The following CSMD1 variants were observed in gnomAD, a reference collection of about 807,000 sequenced individuals.
The protein encoded by CSMD1 is CUB and Sushi multiple domains 1, also known as CUB and sushi domain-containing protein 1.
In CSMD1, 213 loss-of-function variants were observed where a neutral mutation model predicts 417.5. That is an observed-to-expected ratio of 0.51 (90% CI 0.46 to 0.57). The LOEUF (loss-of-function observed/expected upper bound fraction) is 0.57. Among genes scored for constraint, CSMD1 ranks in the 20% least tolerant of loss-of-function variants. The pLI, the probability that CSMD1 is intolerant of heterozygous loss-of-function variation, is 0.00. For synonymous variants in CSMD1, 2,862 were observed against 1,736.8 expected, an observed-to-expected ratio of 1.65 and a Z score of -16.11; for missense variants, 6,923 against 4,529.7, an observed-to-expected ratio of 1.53 and a Z score of -15.17.
chr8:3,850,084 C>CAAA (rs1803793142), intron 5 of CSMD1, among the ~76,000 whole-genome samples: 1 of 152,224 alleles, frequency 6.6e-6, no homozygotes, highest in Non-Finnish European at 1.5e-5. Context: ...GCATGAGCCA[C>CAAA]TGCACCCAGC....
At chr8:3,355,540 G>T (rs1351331790) in intron 21 of CSMD1, among the ~76,000 whole-genome samples, 1 of 152,146 alleles carries the variant, frequency 6.6e-6, no homozygotes, top group Non-Finnish European at 1.5e-5. Context: ...GTGGGCCAAT[G>T]AGAGGAAACC....
chr8:4,909,528 G>C (rs1156373619), intron 1 of CSMD1, among the ~76,000 whole-genome samples: 3 of 152,124 alleles, frequency 2.0e-5, no homozygotes, highest in East Asian at 1.9e-4. Context: ...TGATGTAGAA[G>C]GATCTAGGAT....
At chr8:4,769,665 G>A (rs538525027) in intron 1 of CSMD1, among the ~76,000 whole-genome samples, 1 of 152,162 alleles carries the variant, frequency 6.6e-6, no homozygotes, top group African/African-American at 2.4e-5. Context: ...GGCTTGGAAA[G>A]GCTGACGGAT....
intron 55 of CSMD1, 102 bp downstream of exon 55, chr8:2,978,510 G>T: frequency 1.1e-6 from 1 of 881,324 alleles, no homozygotes; most frequent in Non-Finnish European, 1.7e-6. Flanking sequence ...GAGGACAGAA[G>T]GAATTAAAAT....
At chr8:3,733,069 G>T (rs1429226576) in intron 6 of CSMD1, among the ~76,000 whole-genome samples, 1 of 151,548 alleles carries the variant, frequency 6.6e-6, no homozygotes, top group South Asian at 2.1e-4. Flanking sequence ...CTGCTGATTG[G>T]TTTTATAAAA....
intron 1 of CSMD1, among the ~76,000 whole-genome samples, chr8:4,984,646 G>A (rs1207285866): frequency 6.6e-6 from 1 of 152,044 alleles, no homozygotes; most frequent in Non-Finnish European, 1.5e-5. Flanking sequence ...ATAGCCTTTT[G>A]TAAAGGGGAA....
At chr8:4,912,144 AAGAAAGAAAAGAAAAGAAC>A (rs1805727903) in intron 1 of CSMD1, among the ~76,000 whole-genome samples, 1 of 148,952 alleles carries the variant, frequency 6.7e-6, no homozygotes, top group Admixed American at 6.7e-5. Context: ...AAAAAAAAGA[AAGAAAGAAAAGAAAAGAAC>A]GGAAAAGAAA....
intron 3 of CSMD1, among the ~76,000 whole-genome samples, chr8:4,233,185 T>C (rs976743134): frequency 2.0e-5 from 3 of 152,250 alleles, no homozygotes; most frequent in Admixed American, 6.5e-5. Flanking sequence ...AACATTCATA[T>C]TGAAAACATA....
At chr8:4,965,667 T>G (rs868255057) in intron 1 of CSMD1, among the ~76,000 whole-genome samples, 5 of 152,192 alleles carry the variant, frequency 3.3e-5, no homozygotes, top group Non-Finnish European at 7.3e-5. Context: ...TACATGCTCT[T>G]AGTCTCCCAT....
chr8:4,057,002 G>C (rs1375279265), intron 3 of CSMD1, among the ~76,000 whole-genome samples: 1 of 152,186 alleles, frequency 6.6e-6, no homozygotes, highest in East Asian at 1.9e-4. Flanking sequence ...ACATACGTGT[G>C]CATGTGTCTT....
chr8:4,491,606 A>C (rs1256449221), intron 2 of CSMD1, among the ~76,000 whole-genome samples: 1 of 152,204 alleles, frequency 6.6e-6, no homozygotes, highest in Non-Finnish European at 1.5e-5. Context: ...TCATGAAAAA[A>C]GATACAAGGA....
chr8:4,008,300 A>T (rs1002692679), intron 4 of CSMD1, among the ~76,000 whole-genome samples: 3 of 152,100 alleles, frequency 2.0e-5, no homozygotes, highest in Non-Finnish European at 4.4e-5. Flanking sequence ...AAATATAGTT[A>T]TTCTGTTCAA....
chr8:4,254,896 C>A (rs1169742124), intron 3 of CSMD1, among the ~76,000 whole-genome samples: 2 of 152,052 alleles, frequency 1.3e-5, no homozygotes, highest in African/African-American at 4.8e-5. Flanking sequence ...ATGAAATTTC[C>A]CGATGAGGCA....
At chr8:4,085,414 G>A (rs1320412525) in intron 3 of CSMD1, among the ~76,000 whole-genome samples, 1 of 152,194 alleles carries the variant, frequency 6.6e-6, no homozygotes, top group Non-Finnish European at 1.5e-5. Context: ...ATTTTACATT[G>A]TGGTGATTTT....
chr8:4,649,278 T>G (rs1422731837), intron 1 of CSMD1, among the ~76,000 whole-genome samples: 4 of 152,234 alleles, frequency 2.6e-5, no homozygotes, highest in Non-Finnish European at 5.9e-5. Flanking sequence ...CTGGAGTGAC[T>G]ATTGTATCTG....
rs532838640 is a variant in CSMD1 at position 3,354,146 on chromosome 8, A to G, written c.3304+5006T>C. 2.0e-5 allele frequency among the ~76,000 whole-genome samples: 3 copies of G among 152,340 alleles called. No individual in the cohort carries two copies. The South Asian group carries it at 6.2e-4, about 32-fold the overall frequency. On this transcript the variant is annotated intron_variant, in intron 21 of 69. Coordinates refer to ENST00000635120, the MANE Select transcript of CSMD1 (RefSeq NM_033225.6). The stretch of plus-strand genomic sequence containing the variant: ...ATAACTATTTATTTAATTATTTTAA[A>G]AAGTAGGTGAAAATATATAACCTCT...
chr8:3,287,295 G>A (rs954052875), intron 25 of CSMD1, among the ~76,000 whole-genome samples: 53 of 151,684 alleles, frequency 3.5e-4, no homozygotes, highest in African/African-American at 1.3e-3. Context: ...GCTCTTTTTT[G>A]GTTCCATATG....
intron 25 of CSMD1, among the ~76,000 whole-genome samples, chr8:3,284,897 C>G (rs1211624188): frequency 6.6e-6 from 1 of 152,052 alleles, no homozygotes; most frequent in African/African-American, 2.4e-5. Flanking sequence ...TTTAAAATAC[C>G]AACAGAAAGG....
intron 5 of CSMD1, among the ~76,000 whole-genome samples, chr8:3,990,990 A>C (rs554639293): frequency 6.6e-6 from 1 of 152,280 alleles, no homozygotes; most frequent in South Asian, 2.1e-4. Flanking sequence ...GTGTCTTGCA[A>C]AAACACACCT....
Sources: allele counts gnomAD v4.1 joint callset (sites outside exome capture counted in the v4.1 genomes callset), GRCh38; gene constraint gnomAD v4.1.1; transcripts MANE v1.5; gene names NCBI Gene and HGNC (gene_info 2026-07-23, HGNC 2026-07-21).